The following PSPC1 variants were observed in gnomAD, a reference collection of about 807,000 sequenced individuals.
PSPC1 encodes paraspeckle protein 1.
In PSPC1, 14 loss-of-function variants were observed where a neutral mutation model predicts 51.6. The observed-to-expected ratio is 0.27, with a 90% confidence interval of 0.18 to 0.42. The LOEUF is 0.42. PSPC1 is among the 10% of genes least tolerant of loss of function. The pLI, the probability that PSPC1 is intolerant of heterozygous loss-of-function variation, is 1.00. For missense variants in PSPC1, 406 were observed against 701.1 expected, an observed-to-expected ratio of 0.58 and a Z score of 4.75; for synonymous variants, 193 against 231.9, an observed-to-expected ratio of 0.83 and a Z score of 1.53.
Position 19,680,493 on chromosome 13 carries a change from T to C in PSPC1, c.1159-2670A>G, listed in dbSNP as rs183876735. On this transcript the variant is annotated intron_variant and NMD_transcript_variant, in intron 6 of 7. Transcript: ENST00000471658. ...GAGCTACTACACATCTATTCAATGA[T>C]ACTCATAATTTGGATTTCAAAATAT... Among the ~76,000 whole-genome samples, 88 of 152,316 alleles carry C rather than the reference T, an allele frequency of 5.8e-4. 2 individuals carry two copies. In the East Asian group the frequency reaches 0.016, roughly 28 times the overall value.
At chr13:19,713,115 C>T (rs569058394) in intron 6 of PSPC1, among the ~76,000 whole-genome samples, 1 of 152,252 alleles carries the variant, frequency 6.6e-6, no homozygotes, top group Admixed American at 6.5e-5. Flanking sequence ...CCTTACTTCC[C>T]TCTATGAATG....
At chr13:19,678,090 T>C in intron 6 of PSPC1, 1 of 282,278 alleles carries the variant, frequency 3.5e-6, no homozygotes, top group South Asian at 3.3e-5. Flanking sequence ...AAATACCAAA[T>C]AATTTTCAGA....
chr13:19,708,084 T>C (rs116807361), intron 7 of PSPC1, among the ~76,000 whole-genome samples: 2,708 of 152,282 alleles, frequency 0.018, 82 homozygotes, highest in African/African-American at 0.062. Context: ...CCTGCATATA[T>C]CAGAGATATT....
At chr13:19,694,018 G>C (rs1009357547) in intron 6 of PSPC1, among the ~76,000 whole-genome samples, 43 of 151,098 alleles carry the variant, frequency 2.8e-4, no homozygotes, top group Non-Finnish European at 5.7e-4. Context: ...AGCTACTTGG[G>C]AGGCTGAGGC....
At chr13:19,728,485 C>CACACAG (rs1883643925) in intron 6 of PSPC1, among the ~76,000 whole-genome samples, 1 of 132,832 alleles carries the variant, frequency 7.5e-6, no homozygotes, top group Non-Finnish European at 1.7e-5. Context: ...CACACACACA[C>CACACAG]AGCATTAAAA....
At chr13:19,763,650 C>T (rs1312276943) in intron 2 of PSPC1, among the ~76,000 whole-genome samples, 2 of 152,014 alleles carry the variant, frequency 1.3e-5, no homozygotes, top group African/African-American at 2.4e-5. Flanking sequence ...GTTATGATAA[C>T]GAAAGAAGAA....
At chr13:19,765,341 A>ATTATTATT (rs1555248065) in intron 2 of PSPC1, among the ~76,000 whole-genome samples, 49 of 132,638 alleles carry the variant, frequency 3.7e-4, no homozygotes, top group African/African-American at 1.4e-3. Flanking sequence ...TAATAATAAT[A>ATTATTATT]ATAATTATTA....
At position 19,708,505 on chromosome 13, in the gene PSPC1, C is replaced by T. The variant is rs547129342; in HGVS notation, c.1216+1037G>A. On this transcript the variant is annotated intron_variant, in intron 7 of 8. Transcript: ENST00000338910. ...CAAATTTCAAATTTAGTAAGGCCTA[C>T]GATATGCCACACTTGCTTTTCCTTC... Among the ~76,000 whole-genome samples, 8 of 152,256 alleles carry T rather than the reference C, an allele frequency of 5.3e-5. No individual in the cohort carries two copies. In the East Asian group the frequency reaches 7.7e-4, roughly 15 times the overall value.
intron 3 of PSPC1, among the ~76,000 whole-genome samples, chr13:19,753,712 T>A (rs1250167608): frequency 6.6e-6 from 1 of 151,956 alleles, no homozygotes; most frequent in Admixed American, 6.6e-5. Context: ...GTATGACAAA[T>A]CTAGGAGAGA....
chr13:19,781,216 C>G (rs370715119), intron 1 of PSPC1, among the ~76,000 whole-genome samples: 1 of 151,480 alleles, frequency 6.6e-6, no homozygotes, highest in Non-Finnish European at 1.5e-5. Flanking sequence ...CTCGCTCTGT[C>G]GCCCAGGCTG....
intron 2 of PSPC1, among the ~76,000 whole-genome samples, chr13:19,764,033 G>A (rs765841111): frequency 6.6e-6 from 1 of 152,034 alleles, no homozygotes; most frequent in African/African-American, 2.4e-5. Flanking sequence ...TTTTTTTCAG[G>A]GGGTAAGAGA....
At chr13:19,759,219 GATT>G in intron 3 of PSPC1, 101 bp downstream of exon 3, 1 of 878,188 alleles carries the variant, frequency 1.1e-6, no homozygotes, top group Non-Finnish European at 1.8e-6. Context: ...CTATTACCCA[GATT>G]ATATAAATAA....
chr13:19,714,336 A>G (rs1283138238), intron 6 of PSPC1, among the ~76,000 whole-genome samples: 1 of 152,202 alleles, frequency 6.6e-6, no homozygotes, highest in Non-Finnish European at 1.5e-5. Context: ...ATATGAAGAC[A>G]TGTAACTTCT....
At chr13:19,671,394 T>TAG (rs1876118512), downstream of PSPC1, 2 of 955,244 alleles carry the variant, frequency 2.1e-6, no homozygotes, top group South Asian at 1.4e-5. Context: ...GTACCTGTCC[T>TAG]AGAGACAGGC....
Position 19,765,730 on chromosome 13 carries a change from T to G in PSPC1, c.675-6312A>C, listed in dbSNP as rs546654104. Among the ~76,000 whole-genome samples, 6 of 152,102 alleles carry G rather than the reference T, an allele frequency of 3.9e-5. No homozygotes were observed. The South Asian group carries it at 1.2e-3, about 31-fold the overall frequency. On this transcript the variant is annotated intron_variant, in intron 2 of 8. Coordinates refer to ENST00000338910, the MANE Select transcript of PSPC1 (RefSeq NM_001354909.2). The stretch of plus-strand genomic sequence containing the variant: ...ACTACAAATAACAAATAAGGAAATA[T>G]CAATCTTTACAAAAAAAAGAAAGCA...
chr13:19,774,902 A>AG (rs1487473994), intron 1 of PSPC1, among the ~76,000 whole-genome samples: 1 of 149,534 alleles, frequency 6.7e-6, no homozygotes, highest in South Asian at 2.1e-4. Context: ...AGGCAGGGTA[A>AG]GGGGGCTCAC....
chr13:19,714,205 G>C (rs1201754271), intron 6 of PSPC1, among the ~76,000 whole-genome samples: 1 of 152,106 alleles, frequency 6.6e-6, no homozygotes, highest in Non-Finnish European at 1.5e-5. Flanking sequence ...GTTATTTTAA[G>C]AAAAAGCATT....
Position 19,775,211 on chromosome 13 carries a change from G to A in PSPC1, c.373-2668C>T, listed in dbSNP as rs113732233. On this transcript the variant is annotated intron_variant, in intron 1 of 8. Transcript: ENST00000338910. ...AAAAAACAAAAACAAAAATTAGCCAGGCATGTGGCACGGGCCTGTAGTCCC... is the reference window on the plus strand; with the variant it reads ...AAAAAACAAAAACAAAAATTAGCCAAGCATGTGGCACGGGCCTGTAGTCCC... Among the ~76,000 whole-genome samples the A allele has an allele frequency of 9.7e-3, 1,473 of 152,146 alleles. 8 individuals are homozygous for A. Among genetic ancestry groups the A allele is most frequent in the Non-Finnish European group, 0.017 (1,156 of 68,002 alleles).
intron 5 of PSPC1, among the ~76,000 whole-genome samples, chr13:19,734,880 AG>A (rs1270672786): frequency 6.6e-6 from 1 of 152,054 alleles, no homozygotes; most frequent in Non-Finnish European, 1.5e-5. Flanking sequence ...CAGGAGGCCG[AG>A]GCAGGAGAAT....
Sources: allele counts gnomAD v4.1 joint callset (sites outside exome capture counted in the v4.1 genomes callset), GRCh38; gene constraint gnomAD v4.1.1; transcripts MANE v1.5; gene names NCBI Gene and HGNC (gene_info 2026-07-23, HGNC 2026-07-21).